The following NEGR1 variants were observed in gnomAD, a reference collection of about 807,000 sequenced individuals.
The protein encoded by NEGR1 is IgLON family member 4.
NEGR1 carries 10 observed loss-of-function variants against 40.9 expected under a neutral mutation model. The observed-to-expected ratio is 0.24, with a 90% confidence interval of 0.15 to 0.42. The LOEUF (loss-of-function observed/expected upper bound fraction) is 0.42, where lower values mean the gene tolerates loss of function less well. NEGR1 is among the 10% of genes least tolerant of loss of function. NEGR1 has a pLI of 1.00. For synonymous variants in NEGR1, 185 were observed against 166.8 expected (o/e 1.11, Z -0.84); for missense variants, 352 against 438.9 (o/e 0.80, Z 1.77).
At chr1:72,048,259 T>C (rs531458803) in intron 1 of NEGR1, among the ~76,000 whole-genome samples, 24 of 151,674 alleles carry the variant, frequency 1.6e-4, no homozygotes, top group Non-Finnish European at 2.1e-4. Context: ...TTCGTTAAAC[T>C]AACATTACCT....
chr1:71,432,450 T>C (rs1162558106), intron 6 of NEGR1, among the ~76,000 whole-genome samples: 1 of 152,184 alleles, frequency 6.6e-6, no homozygotes, highest in Non-Finnish European at 1.5e-5. Flanking sequence ...CACCAAAATA[T>C]GGCTCACTGG....
chr1:71,926,401 G>T (rs902258051), intron 2 of NEGR1, among the ~76,000 whole-genome samples: 1 of 151,102 alleles, frequency 6.6e-6, no homozygotes, highest in Non-Finnish European at 1.5e-5. Flanking sequence ...CTGACCACAA[G>T]CTGTATAATT....
At position 71,513,555 on chromosome 1, in the gene NEGR1, T is replaced by G. The variant is rs377706551; in HGVS notation, c.940+79262A>C. Among the ~76,000 whole-genome samples, 24 of 152,364 alleles carry G rather than the reference T, an allele frequency of 1.6e-4. No individual in the cohort carries two copies. The East Asian group carries it at 2.1e-3, about 13-fold the overall frequency. On this transcript the variant is annotated intron_variant, in intron 6 of 6. Coordinates refer to ENST00000357731, the MANE Select transcript of NEGR1 (RefSeq NM_173808.3). ...GAAGGCAAGCCAATATTAAATCTGATGTCTATGTTTATGAAGTACATAGAA... is the reference window on the plus strand; with the variant it reads ...GAAGGCAAGCCAATATTAAATCTGAGGTCTATGTTTATGAAGTACATAGAA...
chr1:71,800,967 C>A (rs1470526434), intron 2 of NEGR1, among the ~76,000 whole-genome samples: 1 of 152,130 alleles, frequency 6.6e-6, no homozygotes, highest in Non-Finnish European at 1.5e-5. Flanking sequence ...ATATAATTTT[C>A]TCTTGATTTC....
chr1:72,196,660 C>T lies in NEGR1; in HGVS notation c.176+85659G>A, dbSNP rs61765617. 5.8e-5 allele frequency among the ~76,000 whole-genome samples: 4 copies of T among 68,918 alleles called. No homozygotes were observed. The East Asian group carries it at 9.7e-4, about 17-fold the overall frequency. The allele number at this position is 68,918 out of a possible 152,430, so 45.2% of individuals were successfully genotyped here. A position where few individuals can be genotyped will look rare whatever the true frequency, so the allele number is the denominator to read the frequency against. On this transcript the variant is annotated intron_variant, in intron 1 of 6. Transcript: ENST00000357731. ...TGGCACATGCCTGTAATCCCAGTTACAAGTGATCAAGGATGATCACTTGAA... is the reference window on the plus strand; with the variant it reads ...TGGCACATGCCTGTAATCCCAGTTATAAGTGATCAAGGATGATCACTTGAA...
intron 3 of NEGR1, among the ~76,000 whole-genome samples, chr1:71,758,990 T>C (rs1655839961): frequency 6.6e-6 from 1 of 152,210 alleles, no homozygotes; most frequent in African/African-American, 2.4e-5. Context: ...ATTAACATCA[T>C]GCTGTTTTTC....
At chr1:72,212,970 C>A (rs1653665407) in intron 1 of NEGR1, among the ~76,000 whole-genome samples, 1 of 151,600 alleles carries the variant, frequency 6.6e-6, no homozygotes, top group Admixed American at 6.6e-5. Context: ...GCAAGACAAG[C>A]CATTTGCGGT....
intron 1 of NEGR1, among the ~76,000 whole-genome samples, chr1:72,237,097 A>G (rs1314076211): frequency 6.6e-6 from 1 of 151,978 alleles, no homozygotes; most frequent in African/African-American, 2.4e-5. Context: ...TATGTTCACA[A>G]ATTCTAAAGG....
intron 2 of NEGR1, among the ~76,000 whole-genome samples, chr1:71,845,730 TCTATCTAC>T (rs898660514): frequency 1.1e-4 from 16 of 151,444 alleles, no homozygotes; most frequent in Admixed American, 6.6e-4. Context: ...TATCTATCTA[TCTATCTAC>T]CTACCTACCT....
chr1:72,211,420 T>C (rs2100463577), intron 1 of NEGR1, among the ~76,000 whole-genome samples: 2 of 151,616 alleles, frequency 1.3e-5, no homozygotes, highest in South Asian at 4.1e-4. Context: ...ATATAAAATA[T>C]GTAACTGTAG....
chr1:71,779,841 T>C (rs551405315), intron 2 of NEGR1, among the ~76,000 whole-genome samples: 2 of 152,096 alleles, frequency 1.3e-5, no homozygotes, highest in East Asian at 3.9e-4. Context: ...AGTGCTGGGT[T>C]TACAGGAGTG....
At chr1:71,940,709 A>C (rs78020086) in intron 1 of NEGR1, among the ~76,000 whole-genome samples, 2 of 152,186 alleles carry the variant, frequency 1.3e-5, no homozygotes, top group Non-Finnish European at 2.9e-5. Context: ...ACTGTTAGGA[A>C]AATTCTAACA....
At chr1:71,761,915 C>T (rs995013995) in intron 3 of NEGR1, among the ~76,000 whole-genome samples, 1 of 151,986 alleles carries the variant, frequency 6.6e-6, no homozygotes, top group African/African-American at 2.4e-5. Context: ...ATACAAAATA[C>T]TTTCCTTCTC....
At chr1:72,043,176 C>T (rs1239095623) in intron 1 of NEGR1, among the ~76,000 whole-genome samples, 1 of 151,844 alleles carries the variant, frequency 6.6e-6, no homozygotes, top group African/African-American at 2.4e-5. Context: ...CCAAGTAGGC[C>T]CAGCTTTCCT....
At chr1:72,238,322 T>C (rs1654628342) in intron 1 of NEGR1, among the ~76,000 whole-genome samples, 2 of 151,944 alleles carry the variant, frequency 1.3e-5, no homozygotes, top group African/African-American at 4.8e-5. Flanking sequence ...GATTGAATAA[T>C]GGTAATAATT....
intron 2 of NEGR1, among the ~76,000 whole-genome samples, chr1:71,869,015 C>T (rs1357730930): frequency 6.6e-6 from 1 of 152,182 alleles, no homozygotes; most frequent in Non-Finnish European, 1.5e-5. Flanking sequence ...TAGTTAGGAA[C>T]ACCTCCTGAG....
At chr1:72,259,293 C>G (rs929797236) in intron 1 of NEGR1, among the ~76,000 whole-genome samples, 1 of 152,140 alleles carries the variant, frequency 6.6e-6, no homozygotes, top group Non-Finnish European at 1.5e-5. Flanking sequence ...AAGCACACAA[C>G]AAGCTTCCTG....
chr1:71,561,336 A>G (rs1470364275), intron 6 of NEGR1, among the ~76,000 whole-genome samples: 2 of 151,700 alleles, frequency 1.3e-5, no homozygotes, highest in Non-Finnish European at 3.0e-5. Context: ...CAATTCTCAT[A>G]TAATTTTAAT....
chr1:71,957,261 A>G (rs1327744768), intron 1 of NEGR1, among the ~76,000 whole-genome samples: 1 of 152,154 alleles, frequency 6.6e-6, no homozygotes, highest in Admixed American at 6.5e-5. Context: ...TACGGAGCAG[A>G]AAACTAAATG....
Sources: allele counts gnomAD v4.1 joint callset (sites outside exome capture counted in the v4.1 genomes callset), GRCh38; gene constraint gnomAD v4.1.1; transcripts MANE v1.5; gene names NCBI Gene and HGNC (gene_info 2026-07-23, HGNC 2026-07-21).